The following PTPRD variants were observed in gnomAD, a reference collection of about 807,000 sequenced individuals.
PTPRD encodes the protein protein tyrosine phosphatase receptor type D.
PTPRD carries 34 observed loss-of-function variants against 214.5 expected under a neutral mutation model. The observed-to-expected ratio is 0.16, with a 90% CI of 0.12 to 0.21. The LOEUF is 0.21. Among genes scored for constraint, PTPRD ranks in the 10% least tolerant of loss-of-function variants. The pLI is 1.00. For missense variants in PTPRD, 2,545 were observed against 2,398.7 expected, an observed-to-expected ratio of 1.06 and a Z score of -1.27; for synonymous variants, 1,128 against 845.7, an observed-to-expected ratio of 1.33 and a Z score of -5.79.
chr9:9,351,647 G>C (rs1458129008), intron 9 of PTPRD, among the ~76,000 whole-genome samples: 1 of 151,992 alleles, frequency 6.6e-6, no homozygotes, highest in African/African-American at 2.4e-5. Context: ...TGTTAGCTGA[G>C]GAATAAAGAA....
At chr9:9,266,786 A>C (rs1939967342) in intron 9 of PTPRD, among the ~76,000 whole-genome samples, 1 of 151,152 alleles carries the variant, frequency 6.6e-6, no homozygotes, top group South Asian at 2.1e-4. Flanking sequence ...ACATATAAAA[A>C]CTCGTAAAAT....
intron 10 of PTPRD, among the ~76,000 whole-genome samples, chr9:9,174,516 G>C (rs1319653738): frequency 1.3e-5 from 2 of 152,058 alleles, no homozygotes; most frequent in Non-Finnish European, 2.9e-5. Flanking sequence ...AGGGTTTTCA[G>C]GAGCATAATC....
At chr9:8,380,509 T>A (rs528961377) in intron 37 of PTPRD, among the ~76,000 whole-genome samples, 1 of 152,180 alleles carries the variant, frequency 6.6e-6, no homozygotes, top group Non-Finnish European at 1.5e-5. Flanking sequence ...GCGGGAGGCA[T>A]TTCTTTTCAT....
chr9:10,503,929 A>C (rs1325695912), intron 2 of PTPRD, among the ~76,000 whole-genome samples: 2 of 151,584 alleles, frequency 1.3e-5, no homozygotes, highest in African/African-American at 4.9e-5. Context: ...ATCCTGGCTA[A>C]CACGGTGAAA....
chr9:9,643,841 T>C (rs1564263729), intron 7 of PTPRD, among the ~76,000 whole-genome samples: 1 of 152,140 alleles, frequency 6.6e-6, no homozygotes. Context: ...TAAATCCTAG[T>C]TTTCTAAAAA....
chr9:10,504,116 A>AAAAAAAAAAAAAAAAAAAAAAAAAAAC, intron 2 of PTPRD, among the ~76,000 whole-genome samples: 1 of 45,550 alleles, frequency 2.2e-5, no homozygotes, highest in Non-Finnish European at 4.8e-5. Flanking sequence ...ACTCTGTCTC[A>AAAAAAAAAAAAAAAAAAAAAAAAAAAC]AAAAAAAAAA....
chr9:8,487,815 CAAACAAA>C (rs2097060266), intron 27 of PTPRD, among the ~76,000 whole-genome samples: 1 of 73,146 alleles, frequency 1.4e-5, no homozygotes, highest in Non-Finnish European at 3.1e-5. Context: ...GTCTCAAAAA[CAAACAAA>C]CAAACAAACA....
At chr9:9,988,031 T>G (rs2095784103) in intron 4 of PTPRD, among the ~76,000 whole-genome samples, 2 of 152,130 alleles carry the variant, frequency 1.3e-5, no homozygotes, top group South Asian at 4.1e-4. Flanking sequence ...AACAAAGAAT[T>G]TATGCACTTG....
intron 2 of PTPRD, among the ~76,000 whole-genome samples, chr9:10,560,501 A>T (rs1041407175): frequency 3.3e-5 from 5 of 152,142 alleles, no homozygotes; most frequent in African/African-American, 1.2e-4. Flanking sequence ...TGGCACATGT[A>T]TACATATGTA....
Position 8,749,452 on chromosome 9 carries a change from T to C in PTPRD, c.-103-15506A>G, listed in dbSNP as rs180894261. Among the ~76,000 whole-genome samples, 339 of 152,258 alleles carry C rather than the reference T, an allele frequency of 2.2e-3. 4 individuals carry two copies. The highest frequency in any genetic ancestry group is 7.8e-3 in the African/African-American group (325 of 41,554). ...ATCCACCCACCTTGGCCTCCCAAAG[T>C]GCTGGGATTACAGGCGTGAGCCACC... On this transcript the variant is annotated intron_variant, in intron 11 of 45. Coordinates refer to ENST00000381196, the MANE Select transcript of PTPRD (RefSeq NM_002839.4).
intron 4 of PTPRD, among the ~76,000 whole-genome samples, chr9:10,006,863 T>C (rs2096488151): frequency 6.6e-6 from 1 of 151,990 alleles, no homozygotes; most frequent in Non-Finnish European, 1.5e-5. Context: ...TATGAAAATA[T>C]GGAACAAGGC....
chr9:9,307,225 A>T (rs1329351609), intron 9 of PTPRD, among the ~76,000 whole-genome samples: 1 of 152,182 alleles, frequency 6.6e-6, no homozygotes, highest in African/African-American at 2.4e-5. Context: ...AAACGGCTTC[A>T]TTTATCACTT....
chr9:10,589,643 G>C lies in PTPRD; in HGVS notation c.-600+22755C>G, dbSNP rs184091768. 6.7e-4 allele frequency among the ~76,000 whole-genome samples: 102 copies of C among 152,052 alleles called. 1 individual carries two copies. Among genetic ancestry groups the C allele is most frequent in the African/African-American group, 2.4e-3 (100 of 41,510 alleles). On this transcript the variant is annotated intron_variant, in intron 2 of 45. Transcript: ENST00000381196. ...ACTCCAGTGCCTCAACTATGAAAGA[G>C]GATAAAACCTTTGACCCAGCAAATT...
chr9:10,288,874 C>T (rs1197874883), intron 3 of PTPRD, among the ~76,000 whole-genome samples: 1 of 151,928 alleles, frequency 6.6e-6, no homozygotes, highest in Admixed American at 6.6e-5. Context: ...GAAAATATAG[C>T]ATAAATTAGA....
intron 4 of PTPRD, among the ~76,000 whole-genome samples, chr9:9,972,686 T>C (rs886703403): frequency 1.3e-5 from 2 of 152,146 alleles, no homozygotes; most frequent in African/African-American, 4.8e-5. Context: ...GCAAAGCTGG[T>C]TCTTTCTGGA....
At chr9:10,244,756 A>T (rs1484205234) in intron 3 of PTPRD, among the ~76,000 whole-genome samples, 1 of 152,152 alleles carries the variant, frequency 6.6e-6, no homozygotes, top group African/African-American at 2.4e-5. Flanking sequence ...GGAGAGAAGT[A>T]GGTTTGCACC....
chr9:9,878,252 T>C (rs141973072), intron 5 of PTPRD, among the ~76,000 whole-genome samples: 93 of 152,270 alleles, frequency 6.1e-4, no homozygotes, highest in African/African-American at 2.1e-3. Flanking sequence ...CATAGGAATA[T>C]ATATGTCATG....
intron 11 of PTPRD, among the ~76,000 whole-genome samples, chr9:8,997,495 A>C (rs2099401561): frequency 6.6e-6 from 1 of 152,086 alleles, no homozygotes; most frequent in Non-Finnish European, 1.5e-5. Flanking sequence ...CAAGTTCATA[A>C]GAGACAGTGA....
At chr9:8,793,951 A>C (rs1418459082) in intron 11 of PTPRD, among the ~76,000 whole-genome samples, 1 of 152,238 alleles carries the variant, frequency 6.6e-6, no homozygotes, top group Non-Finnish European at 1.5e-5. Flanking sequence ...GAGAATTACC[A>C]AGAGCTGAAG....
Sources: gnomAD v4.1 joint callset for allele counts (sites outside exome capture counted in the v4.1 genomes callset) on GRCh38, gnomAD v4.1.1 for gene constraint, MANE v1.5 for transcripts, NCBI Gene and HGNC (gene_info 2026-07-23, HGNC 2026-07-21) for gene names.